The following LRRIQ1 variants were observed in gnomAD, a reference collection of about 807,000 sequenced individuals.
LRRIQ1 encodes the protein leucine rich repeats and IQ motif containing 1.
In LRRIQ1, 210 loss-of-function variants were observed where a neutral mutation model predicts 211.9. That is an observed-to-expected ratio of 0.99 (90% CI 0.89 to 1.11). The LOEUF (loss-of-function observed/expected upper bound fraction) is 1.11, where lower values mean the gene tolerates loss of function less well. Among genes scored for constraint, LRRIQ1 ranks in the 50% most tolerant of loss-of-function variants. LRRIQ1 has a pLI of 0.00. For missense variants in LRRIQ1, 2,136 were observed against 1,939.5 expected, an observed-to-expected ratio of 1.10 and a Z score of -1.90; for synonymous variants, 699 against 650.1, an observed-to-expected ratio of 1.08 and a Z score of -1.14.
At chr12:85,047,937 TGG>T in intron 6 of LRRIQ1, 1 of 156,674 alleles carries the variant, frequency 6.4e-6, no homozygotes, top group African/African-American at 2.4e-5. Context: ...GGCAACTTTT[TGG>T]TGTGAAGTTT....
chr12:85,184,904 T>TA lies in LRRIQ1; in HGVS notation c.4822+24195dup, dbSNP rs569319042. Among the ~76,000 whole-genome samples, 741 of 152,076 alleles carry TA rather than the reference T, an allele frequency of 4.9e-3. 3 individuals are homozygous for TA. Among genetic ancestry groups the TA allele is most frequent in the African/African-American group, 0.017 (702 of 41,546 alleles). On this transcript the variant is annotated intron_variant, in intron 24 of 26. Coordinates refer to ENST00000393217, the MANE Select transcript of LRRIQ1 (RefSeq NM_001079910.2). ...AGAACTAAACTTAAAATATGATTTT[T>TA]AAAAAGTAAATATTAAGAAAAGCCT...
At chr12:85,066,602 C>T in intron 9 of LRRIQ1, 146 bp from the exon 10 acceptor site, 1 of 421,652 alleles carries the variant, frequency 2.4e-6, no homozygotes, top group Non-Finnish European at 4.0e-6. Context: ...AATAGTATAA[C>T]AGTTTGCAGG....
intron 24 of LRRIQ1, among the ~76,000 whole-genome samples, chr12:85,179,117 A>T (rs992373881): frequency 6.6e-6 from 1 of 151,938 alleles, no homozygotes; most frequent in Non-Finnish European, 1.5e-5. Context: ...TATTTATACC[A>T]TAAAGTATAT....
chr12:85,198,410 A>G (rs1477717142), intron 24 of LRRIQ1, among the ~76,000 whole-genome samples: 1 of 151,678 alleles, frequency 6.6e-6, no homozygotes, highest in South Asian at 2.1e-4. Context: ...GGCTGAACAA[A>G]TTTATATCCC....
At chr12:85,040,397 C>A in intron 2 of LRRIQ1, 93 bp from the exon 3 acceptor site, 1 of 581,552 alleles carries the variant, frequency 1.7e-6, no homozygotes, top group Non-Finnish European at 3.0e-6. Flanking sequence ...ATGTTTTGGT[C>A]ACATTTTTGC....
chr12:85,135,868 A>C lies in LRRIQ1; in HGVS notation c.4210-1982A>C, dbSNP rs369211916. ...TTGTCTAAAGATCCTTGGTTTCTTT[A>C]ATGGAAATGACATATAGAGCACCCC... On this transcript the variant is annotated intron_variant, in intron 18 of 26. Transcript: ENST00000393217. 3.3e-5 allele frequency among the ~76,000 whole-genome samples: 5 copies of C among 152,028 alleles called. No individual in the cohort carries two copies. In the East Asian group the frequency reaches 5.8e-4, roughly 18 times the overall value.
intron 24 of LRRIQ1, among the ~76,000 whole-genome samples, chr12:85,200,522 T>A (rs1893235676): frequency 1.3e-5 from 2 of 152,274 alleles, no homozygotes; most frequent in Non-Finnish European, 1.5e-5. Flanking sequence ...AGAGAGGACA[T>A]GCTTGCCTTG....
intron 8 of LRRIQ1, among the ~76,000 whole-genome samples, chr12:85,058,343 C>T (rs906963910): frequency 2.0e-5 from 3 of 151,948 alleles, no homozygotes; most frequent in African/African-American, 7.2e-5. Flanking sequence ...CAATTTTTTC[C>T]TTGCGCATGT....
rs577431036 is a variant in LRRIQ1 at position 85,098,200 on chromosome 12, G to A, written c.2888-155G>A. On this transcript the variant is annotated intron_variant, in intron 11 of 26. Coordinates refer to ENST00000393217, the MANE Select transcript of LRRIQ1 (RefSeq NM_001079910.2). ...GTTTAAATAATAACACAGTTTACAA[G>A]ATATGTTTCACCAGGAATTTGGACT... Among the ~76,000 whole-genome samples the A allele has an allele frequency of 3.9e-5, 6 of 152,128 alleles. No homozygotes were observed. In the East Asian group the frequency reaches 9.7e-4, roughly 24 times the overall value.
intron 11 of LRRIQ1, among the ~76,000 whole-genome samples, chr12:85,094,056 T>C (rs1401657272): frequency 1.3e-5 from 2 of 152,164 alleles, no homozygotes; most frequent in Non-Finnish European, 2.9e-5. Flanking sequence ...ACTTCAAATC[T>C]CCATACATTC....
intron 24 of LRRIQ1, among the ~76,000 whole-genome samples, chr12:85,209,767 A>C (rs1219986600): frequency 6.6e-6 from 1 of 152,150 alleles, no homozygotes; most frequent in Admixed American, 6.6e-5. Flanking sequence ...AATATTATCT[A>C]GGGATTTTAT....
chr12:85,188,874 G>T (rs573069914), intron 24 of LRRIQ1, among the ~76,000 whole-genome samples: 307 of 152,144 alleles, frequency 2.0e-3, no homozygotes, highest in African/African-American at 7.2e-3. Context: ...TAAAATTTTT[G>T]ATATGATTCA....
At chr12:85,189,377 G>A (rs1160860427) in intron 24 of LRRIQ1, among the ~76,000 whole-genome samples, 8 of 152,036 alleles carry the variant, frequency 5.3e-5, no homozygotes, top group Non-Finnish European at 1.2e-4. Context: ...GCTCTCTGAT[G>A]TCTGTATTCT....
intron 24 of LRRIQ1, among the ~76,000 whole-genome samples, chr12:85,182,409 A>G (rs1425279382): frequency 6.6e-6 from 1 of 152,146 alleles, no homozygotes; most frequent in African/African-American, 2.4e-5. Context: ...AACTAAAATT[A>G]TGTGTGCCAA....
At chr12:85,137,721 C>A in intron 18 of LRRIQ1, 129 bp from the exon 19 acceptor site, 13 of 699,758 alleles carry the variant, frequency 1.9e-5, no homozygotes, top group African/African-American at 3.7e-5. Flanking sequence ...ACATAAAGTT[C>A]AGAAAACAGA....
At chr12:85,234,542 A>G (rs1418150812) in intron 26 of LRRIQ1, among the ~76,000 whole-genome samples, 1 of 152,170 alleles carries the variant, frequency 6.6e-6, no homozygotes, top group African/African-American at 2.4e-5. Context: ...AGTGGCTTTT[A>G]TCAAAAGGAT....
At chr12:85,243,558 A>G (rs753380027) in intron 26 of LRRIQ1, among the ~76,000 whole-genome samples, 3 of 151,192 alleles carry the variant, frequency 2.0e-5, no homozygotes, top group Non-Finnish European at 4.4e-5. Context: ...ACTTAAAAAT[A>G]GTATGTGAGG....
At chr12:85,212,668 G>C (rs1194376422) in intron 24 of LRRIQ1, among the ~76,000 whole-genome samples, 1 of 150,620 alleles carries the variant, frequency 6.6e-6, no homozygotes, top group African/African-American at 2.4e-5. Flanking sequence ...AGAGAAAAAT[G>C]GTTACTTTTA....
rs1427987902 is a variant in LRRIQ1, at chr12:85,154,106, G to C, written c.4720+12G>C. The C allele has an allele frequency of 3.4e-6, 5 of 1,461,930 alleles. No individual in the cohort carries two copies. The allele number at this position is 1,461,930 out of a possible 1,614,324, so 90.6% of individuals were successfully genotyped here. A position where few individuals can be genotyped will look rare whatever the true frequency, so the allele number is the denominator to read the frequency against. The stretch of plus-strand genomic sequence containing the variant: ...AAAGAAAAAAATAGGTGAGTAATTA[G>C]TGCTCTTTGAATAATAACTGTGTAT... On this transcript the variant is annotated intron_variant, in intron 23 of 26. Coordinates refer to ENST00000393217, the MANE Select transcript of LRRIQ1 (RefSeq NM_001079910.2).
Sources: gnomAD v4.1 joint callset for allele counts (sites outside exome capture counted in the v4.1 genomes callset) on GRCh38, gnomAD v4.1.1 for gene constraint, MANE v1.5 for transcripts, NCBI Gene and HGNC (gene_info 2026-07-23, HGNC 2026-07-21) for gene names.